Variants in HSD17B2 observed in about 807,000 individuals in gnomAD.
HSD17B2 encodes hydroxysteroid 17-beta dehydrogenase 2.
In HSD17B2, 32 loss-of-function variants were observed where a neutral mutation model predicts 26.9. The observed-to-expected ratio is 1.19, with a 90% CI of 0.90 to 1.60. HSD17B2 has a LOEUF of 1.60. Among genes scored for constraint, HSD17B2 ranks in the 40% most tolerant of loss-of-function variants. The probability of loss-of-function intolerance (pLI) is 0.00; values close to 1 mark genes in which losing one functional copy is unlikely to be tolerated. For missense variants in HSD17B2, 613 were observed against 468.6 expected (o/e 1.31, Z -2.85); for synonymous variants, 246 against 186.7 (o/e 1.32, Z -2.59).
rs1904318958 is a variant in HSD17B2, at chr16:82,078,858, T to C, written c.664+7731T>C. Among the ~76,000 whole-genome samples the C allele has an allele frequency of 2.0e-5, 3 of 152,292 alleles. 1 individual carries two copies. In the South Asian group the frequency reaches 6.2e-4, roughly 32 times the overall value. ...TCATGGAGATAGAGTAGAAGGATGG[T>C]TACCAGAGGCTGGGAAGAGTAGTGG... On this transcript the variant is annotated intron_variant, in intron 3 of 4. Transcript: ENST00000199936.
intron 3 of HSD17B2, among the ~76,000 whole-genome samples, chr16:82,072,870 A>G (rs2143987867): frequency 6.6e-6 from 1 of 152,334 alleles, no homozygotes; most frequent in South Asian, 2.1e-4. Context: ...AGCCTGGGCA[A>G]CATAGTGAGA....
At chr16:82,090,475 C>T (rs762491407) in intron 3 of HSD17B2, among the ~76,000 whole-genome samples, 10 of 151,988 alleles carry the variant, frequency 6.6e-5, no homozygotes, top group African/African-American at 1.4e-4. Context: ...TGCGCCACCA[C>T]GCCTGGCTAA....
intron 1 of HSD17B2, among the ~76,000 whole-genome samples, chr16:82,043,170 G>A (rs1409973060): frequency 6.6e-6 from 1 of 152,134 alleles, no homozygotes; most frequent in Non-Finnish European, 1.5e-5. Context: ...AGCTCGTCTT[G>A]GGCCAAGCTT....
At chr16:82,070,531 T>C (rs1429405979) in intron 2 of HSD17B2, among the ~76,000 whole-genome samples, 1 of 152,212 alleles carries the variant, frequency 6.6e-6, no homozygotes, top group African/African-American at 2.4e-5. Context: ...CGTGTTGGGG[T>C]CCGCCCATGT....
intron 1 of HSD17B2, among the ~76,000 whole-genome samples, chr16:82,058,287 T>C (rs1435724807): frequency 2.0e-5 from 3 of 151,750 alleles, no homozygotes; most frequent in African/African-American, 7.3e-5. Context: ...CCCAGGCTAG[T>C]CTCAAACTCC....
chr16:82,060,117 T>C (rs143833743), intron 1 of HSD17B2, among the ~76,000 whole-genome samples: 2 of 152,332 alleles, frequency 1.3e-5, no homozygotes, highest in Non-Finnish European at 2.9e-5. Context: ...TAACATTTTA[T>C]TATACCTTAA....
intron 3 of HSD17B2, among the ~76,000 whole-genome samples, chr16:82,075,384 G>A (rs550370341): frequency 3.3e-5 from 5 of 151,818 alleles, no homozygotes; most frequent in Admixed American, 3.3e-4. Context: ...AAAAGAAGAA[G>A]ACAATACAAA....
intron 4 of HSD17B2, chr16:82,097,277 T>TATATATATACAC (rs1491106183): frequency 7.9e-6 from 1 of 126,954 alleles, no homozygotes; most frequent in South Asian, 3.0e-4. Flanking sequence ...TATGTGTGTG[T>TATATATATACAC]ATGTGTGTGT....
In HSD17B2 at chr16:82,035,709, A is replaced by G. The variant is rs759545373; in HGVS notation, c.265+20A>G. The G allele has an allele frequency of 5.6e-6, 9 of 1,608,570 alleles. No individual in the cohort carries two copies. Among genetic ancestry groups the G allele is most frequent in the South Asian group, 1.1e-5 (1 of 90,244 alleles). On this transcript the variant is annotated intron_variant, in intron 1 of 4. Coordinates refer to ENST00000199936, the MANE Select transcript of HSD17B2 (RefSeq NM_002153.3). ...TGACAGGTAAGCAGACGGTGCTACA[A>G]TTTTCACTGAGGGTATGATCTGAAA...
chr16:82,075,065 G>A (rs575741669), intron 3 of HSD17B2, among the ~76,000 whole-genome samples: 23 of 152,124 alleles, frequency 1.5e-4, no homozygotes, highest in African/African-American at 5.5e-4. Flanking sequence ...AACTATATAA[G>A]CACATGGAAA....
At chr16:82,069,879 G>A (rs1342250686) in intron 2 of HSD17B2, among the ~76,000 whole-genome samples, 2 of 152,112 alleles carry the variant, frequency 1.3e-5, no homozygotes, top group African/African-American at 4.8e-5. Context: ...GAAGCACCAG[G>A]CCCTGTGTGA....
At chr16:82,074,909 T>C (rs1904293615) in intron 3 of HSD17B2, among the ~76,000 whole-genome samples, 1 of 152,252 alleles carries the variant, frequency 6.6e-6, no homozygotes. Flanking sequence ...ATTCTTCTCC[T>C]GAGCACATGG....
chr16:82,098,218 A>G lies in HSD17B2; in HGVS notation c.946A>G (p.Lys316Glu). The change falls in exon 5 of 5, where the codon AAG becomes GAG. Residue 316 changes from lysine (K) to glutamate (E), a missense_variant. Transcript: ENST00000199936. ...FLLLINSLAS[K>E]DFSPVLRDIQ... ...CCTATTGATCAACTCGTTAGCCAGC[A>G]AGGACTTCTCTCCGGTGCTGCGGGA... 2 of 1,614,180 alleles carry G rather than the reference A, an allele frequency of 1.2e-6. No individual in the cohort carries two copies. Among genetic ancestry groups the G allele is most frequent in the Non-Finnish European group, 1.7e-6 (2 of 1,180,016 alleles).
intron 1 of HSD17B2, among the ~76,000 whole-genome samples, chr16:82,037,778 C>T (rs1043590576): frequency 7.9e-5 from 12 of 152,090 alleles, no homozygotes; most frequent in Non-Finnish European, 1.6e-4. Context: ...ACTGCTTGGG[C>T]CAAAGGAAAA....
At chr16:82,088,043 C>T (rs1904579309) in intron 3 of HSD17B2, among the ~76,000 whole-genome samples, 1 of 152,150 alleles carries the variant, frequency 6.6e-6, no homozygotes, top group Admixed American at 6.5e-5. Context: ...ACCCATAAGG[C>T]AGTGCATTAT....
At chr16:82,060,600 A>T (rs2143961100) in intron 1 of HSD17B2, among the ~76,000 whole-genome samples, 1 of 152,370 alleles carries the variant, frequency 6.6e-6, no homozygotes, top group East Asian at 1.9e-4. Context: ...GGACAAATGA[A>T]ATGCCTATTC....
At chr16:82,049,889 C>A (rs1490418365) in intron 1 of HSD17B2, among the ~76,000 whole-genome samples, 2 of 152,212 alleles carry the variant, frequency 1.3e-5, no homozygotes, top group East Asian at 1.9e-4. Context: ...AGAAGGTCTC[C>A]ACCTCGGGAC....
intron 1 of HSD17B2, among the ~76,000 whole-genome samples, chr16:82,065,510 T>A (rs1054906044): frequency 1.3e-5 from 2 of 152,128 alleles, no homozygotes; most frequent in Non-Finnish European, 1.5e-5. Context: ...GCTGTGCCAA[T>A]AATAAGGCAG....
intron 3 of HSD17B2, among the ~76,000 whole-genome samples, chr16:82,077,858 T>C (rs1199023756): frequency 6.6e-6 from 1 of 152,002 alleles, no homozygotes; most frequent in Non-Finnish European, 1.5e-5. Flanking sequence ...AGGATGAAAC[T>C]AGATCCCTGT....
Sources: gnomAD v4.1 joint callset for allele counts (sites outside exome capture counted in the v4.1 genomes callset) on GRCh38, gnomAD v4.1.1 for gene constraint, MANE v1.5 for transcripts, NCBI Gene and HGNC (gene_info 2026-07-23, HGNC 2026-07-21) for gene names.